The following CD300C variants were observed in gnomAD, a reference collection of about 807,000 sequenced individuals.
CD300C encodes CD300c molecule, also known as CMRF35-like molecule 6.
Under a neutral mutation model 18.4 loss-of-function variants are expected in CD300C, and 11 were observed. The ratio of observed to expected loss-of-function variants is 0.60; its 90% CI spans 0.38 to 0.99. The LOEUF is 0.99. Ranked by LOEUF, CD300C falls within the 50% of genes least tolerant of loss-of-function variation. The pLI, the probability that CD300C is intolerant of heterozygous loss-of-function variation, is 0.01. For synonymous variants in CD300C, 116 were observed against 116.3 expected (o/e 1.00, Z 0.02); for missense variants, 277 against 287.4 (o/e 0.96, Z 0.26).
chr17:74,545,450 G>A (rs1908727151), intron 1 of CD300C, among the ~76,000 whole-genome samples: 1 of 152,106 alleles, frequency 6.6e-6, no homozygotes, highest in Non-Finnish European at 1.5e-5. Context: ...GATAAAATTT[G>A]TGATTGGATA....
At position 74,544,753 on chromosome 17, in the gene CD300C, C is replaced by A. The variant is rs1288895221; in HGVS notation, c.256G>T (p.Asp86Tyr). 6 of 1,614,254 alleles carry A rather than the reference C, an allele frequency of 3.7e-6. No individual in the cohort carries two copies. Among genetic ancestry groups the A allele is most frequent in the East Asian group, 2.2e-5 (1 of 44,886 alleles). Residue 86 changes from aspartate (D) to tyrosine (Y), a missense_variant, in exon 2 of 4, where the codon GAC becomes TAC. Coordinates refer to ENST00000330793, the MANE Select transcript of CD300C (RefSeq NM_006678.5). The part of the protein sequence containing the change: ...GKRNGRVSIR[D>Y]SPANLSFTVT... ...GTGAAGCTGAGGTTTGCAGGACTGTCCCTGATGGACACTCGGCCATTCCTT... is the reference window on the plus strand; with the variant it reads ...GTGAAGCTGAGGTTTGCAGGACTGTACCTGATGGACACTCGGCCATTCCTT...
At position 74,541,436 on chromosome 17, in the gene CD300C, C is replaced by T; in HGVS notation, c.*153G>A. 1.5e-6 allele frequency: 1 copy of T among 672,858 alleles called. No individual in the cohort carries two copies. The highest frequency in any genetic ancestry group is 2.7e-6 in the Non-Finnish European group (1 of 370,760). 41.7% of individuals were successfully genotyped at this position (672,858 alleles called of 1,614,324 possible). On this transcript the variant is annotated 3_prime_UTR_variant, in exon 4 of 4. Transcript: ENST00000330793. Reference sequence around the variant, plus strand: ...ATGTCCGTCAGGTTCACATGTGACACATGAGGATCGGGCACAGGGAAAAGG... The same window carrying T: ...ATGTCCGTCAGGTTCACATGTGACATATGAGGATCGGGCACAGGGAAAAGG...
At chr17:74,536,967 G>A (rs1329896307), downstream of CD300C, among the ~76,000 whole-genome samples, 1 of 151,918 alleles carries the variant, frequency 6.6e-6, no homozygotes, top group African/African-American at 2.4e-5. Context: ...AAAGGAGGAG[G>A]AGGAAGAGAA....
chr17:74,541,702 C>T lies in CD300C; in HGVS notation c.562G>A (p.Val188Ile), dbSNP rs771207504. 6.2e-7 allele frequency: 1 copy of T among 1,613,700 alleles called. No homozygotes were observed. The highest frequency in any genetic ancestry group is 2.2e-5 in the East Asian group (1 of 44,864). The change falls in exon 4 of 4, where the codon GTC becomes ATC. Residue 188 changes from valine (V) to isoleucine (I), a missense_variant. Transcript: ENST00000330793. The stretch of plus-strand genomic sequence containing the variant: ...AGGAGCAGGGGCAGCTCCAAGAGGA[C>T]CAGGAGCAGGAAGCGGACATTGCTG... ...LFSNVRFLLL[V>I]LLELPLLLSM...
At chr17:74,535,517 T>C in the CD300C span, among the ~76,000 whole-genome samples, 1 of 131,712 alleles carries the variant, frequency 7.6e-6, no homozygotes, top group African/African-American at 2.9e-5. Context: ...AAACATAAAA[T>C]ATCCAGAATT....
chr17:74,539,361 A>G (rs1002337363), downstream of CD300C, among the ~76,000 whole-genome samples: 1 of 152,010 alleles, frequency 6.6e-6, no homozygotes, highest in Non-Finnish European at 1.5e-5. Flanking sequence ...GCCCAATGCA[A>G]TCCCGGGCCT....
downstream of CD300C, among the ~76,000 whole-genome samples, chr17:74,539,182 C>A (rs11655165): frequency 0.43 from 65,604 of 151,948 alleles, 16,188 homozygotes; most frequent in Middle Eastern, 0.63. Context: ...CCCAATAGCA[C>A]CAGAGGCCGA....
chr17:74,543,872 G>T (rs1908649482), intron 2 of CD300C, among the ~76,000 whole-genome samples: 1 of 152,170 alleles, frequency 6.6e-6, no homozygotes, highest in South Asian at 2.1e-4. Context: ...CCATCCACAG[G>T]TCCCTTTGCC....
chr17:74,542,277 G>A (rs937763171), intron 3 of CD300C, among the ~76,000 whole-genome samples: 1 of 152,124 alleles, frequency 6.6e-6, no homozygotes, highest in Non-Finnish European at 1.5e-5. Context: ...ATGAAACTCT[G>A]GCCAGGGCTG....
At chr17:74,538,399 G>A (rs1908443266), downstream of CD300C, among the ~76,000 whole-genome samples, 1 of 152,188 alleles carries the variant, frequency 6.6e-6, no homozygotes, top group South Asian at 2.1e-4. Flanking sequence ...GACCTGTGGG[G>A]ACACGGTGAC....
At chr17:74,535,462 T>A in the CD300C span, among the ~76,000 whole-genome samples, 1 of 97,130 alleles carries the variant, frequency 1.0e-5, no homozygotes, top group Non-Finnish European at 2.0e-5. Flanking sequence ...AGAGCAAAAC[T>A]CTGTCTCAAA....
In CD300C at chr17:74,545,890, T is replaced by C; in HGVS notation, c.-108A>G. ...TCGCTTCTGCTTTTCTTCTGCTCTC[T>C]GCTTCCTTGTCCAGCCCTGTCTCAG... On this transcript the variant is annotated 5_prime_UTR_variant, in exon 1 of 4. Coordinates refer to ENST00000330793, the MANE Select transcript of CD300C (RefSeq NM_006678.5). 4.3e-6 allele frequency: 4 copies of C among 939,120 alleles called. No individual in the cohort carries two copies. The highest frequency in any genetic ancestry group is 6.6e-6 in the Non-Finnish European group (4 of 606,776). 58.2% of individuals were successfully genotyped at this position (939,120 alleles called of 1,614,324 possible).
In CD300C at chr17:74,541,756, G is replaced by A. The variant is rs1251707579; in HGVS notation, c.528-20C>T. On this transcript the variant is annotated intron_variant, in intron 3 of 3. Coordinates refer to ENST00000330793, the MANE Select transcript of CD300C (RefSeq NM_006678.5). ...AGGGAGCTGTGGGGACACGGTGACA[G>A]GCAGTGAGTCACCTCCCCAGGGGAG... 3 of 1,604,378 alleles carry A rather than the reference G, an allele frequency of 1.9e-6. No individual in the cohort carries two copies. The highest frequency in any genetic ancestry group is 1.7e-5 in the Admixed American group (1 of 58,336).
At position 74,543,677 on chromosome 17, in the gene CD300C, C is replaced by T. The variant is rs115746438; in HGVS notation, c.401-690G>A. ...GGGCGCAGGAGGGACACGTCGCCCC[C>T]GGGGAAATGGAGAACAAGAAGATGC... On this transcript the variant is annotated intron_variant, in intron 2 of 3. Coordinates refer to ENST00000330793, the MANE Select transcript of CD300C (RefSeq NM_006678.5). Among the ~76,000 whole-genome samples the T allele has an allele frequency of 3.5e-3, 538 of 152,244 alleles. 4 individuals are homozygous for T. The highest frequency in any genetic ancestry group is 0.012 in the African/African-American group (514 of 41,538).
chr17:74,541,679 G>T lies in CD300C; in HGVS notation c.585C>A (p.Leu195=), dbSNP rs1422857877. 1.2e-6 allele frequency: 2 copies of T among 1,613,848 alleles called. No homozygotes were observed. Among genetic ancestry groups the T allele is most frequent in the Non-Finnish European group, 1.7e-6 (2 of 1,179,862 alleles). Residue 195 remains leucine (L), a synonymous_variant, in exon 4 of 4, where the codon CTC becomes CTA. Transcript: ENST00000330793. The part of the protein sequence containing the change: ...LLLVLLELPL[L]LSMLGAVLWV... Reference sequence around the variant, plus strand: ...AGAGGACGGCACCCAGCATGCTCAGGAGCAGGGGCAGCTCCAAGAGGACCA... The same window carrying T: ...AGAGGACGGCACCCAGCATGCTCAGTAGCAGGGGCAGCTCCAAGAGGACCA...
intron 1 of CD300C, 148 bp downstream of exon 1, chr17:74,545,574 A>G (rs1719493): frequency 0.64 from 393,390 of 614,688 alleles, 127,481 homozygotes; most frequent in Middle Eastern, 0.77. Flanking sequence ...CTGGTGAGGC[A>G]GCTGCTGACC....
downstream of CD300C, among the ~76,000 whole-genome samples, chr17:74,536,307 T>C (rs1340777397): frequency 6.6e-6 from 1 of 151,942 alleles, no homozygotes; most frequent in African/African-American, 2.4e-5. Context: ...CTTCTACCAA[T>C]TGGATCATGA....
At chr17:74,544,586 T>G (rs1908680607) in intron 2 of CD300C, 23 bp downstream of exon 2, 1 of 1,596,258 alleles carries the variant, frequency 6.3e-7, no homozygotes, top group African/African-American at 1.3e-5. Flanking sequence ...GCAGGCCTGG[T>G]GCTGAGAAAA....
downstream of CD300C, among the ~76,000 whole-genome samples, chr17:74,540,260 C>T (rs113872012): frequency 0.025 from 3,736 of 152,270 alleles, 165 homozygotes; most frequent in African/African-American, 0.084. Flanking sequence ...GCTTGCTCAG[C>T]GCCTATTAGA....
Sources: allele counts gnomAD v4.1 joint callset (sites outside exome capture counted in the v4.1 genomes callset), GRCh38; gene constraint gnomAD v4.1.1; transcripts MANE v1.5; gene names NCBI Gene and HGNC (gene_info 2026-07-23, HGNC 2026-07-21).